DLG1: variants seen among roughly 807,000 people sequenced by gnomAD.
DLG1 encodes discs large MAGUK scaffold protein 1.
Under a neutral mutation model 123.4 loss-of-function variants are expected in DLG1, and 42 were observed. The observed-to-expected ratio is 0.34, with a 90% CI of 0.27 to 0.44. The LOEUF (loss-of-function observed/expected upper bound fraction) is 0.44. Ranked by LOEUF, DLG1 falls within the 20% of genes least tolerant of loss-of-function variation. DLG1 has a pLI of 1.00. For synonymous variants in DLG1, 317 were observed against 356.2 expected (o/e 0.89, Z 1.24); for missense variants, 942 against 1,082.6 (o/e 0.87, Z 1.82).
chr3:197,292,494 A>C (rs1260373610), intron 3 of DLG1, among the ~76,000 whole-genome samples: 2 of 152,242 alleles, frequency 1.3e-5, no homozygotes, highest in African/African-American at 4.8e-5. Context: ...ATAGGATTTC[A>C]GTTTTGCAAG....
chr3:197,065,213 C>A, intron 22 of DLG1, 63 bp downstream of exon 22: 1 of 1,459,232 alleles, frequency 6.9e-7, no homozygotes, highest in Admixed American at 2.4e-5. Flanking sequence ...TCCTACCAGT[C>A]TTGCATACTG....
chr3:197,231,597 G>A (rs1344422), intron 4 of DLG1, among the ~76,000 whole-genome samples: 114,516 of 151,442 alleles, frequency 0.76, 43,402 homozygotes, highest in East Asian at 0.82. Flanking sequence ...GCTACTCGGG[G>A]GGCTGAGGTG....
intron 11 of DLG1, among the ~76,000 whole-genome samples, chr3:197,129,890 C>T (rs1282084574): frequency 2.0e-5 from 3 of 151,666 alleles, no homozygotes; most frequent in Non-Finnish European, 4.4e-5. Context: ...TGTGGCACTC[C>T]AAAACAATTA....
chr3:197,120,772 A>T (rs1775926068), intron 11 of DLG1, among the ~76,000 whole-genome samples: 1 of 152,226 alleles, frequency 6.6e-6, no homozygotes, highest in Non-Finnish European at 1.5e-5. Context: ...GATGCAGTGT[A>T]TCTATTGATA....
intron 16 of DLG1, among the ~76,000 whole-genome samples, chr3:197,083,921 TATG>T (rs200812448): frequency 0.014 from 2,135 of 152,226 alleles, 32 homozygotes; most frequent in Non-Finnish European, 0.02. Flanking sequence ...TTCAGTGGGC[TATG>T]ATCATGTCAC....
At chr3:197,194,326 G>T in intron 5 of DLG1, 99 bp downstream of exon 5, 1 of 752,118 alleles carries the variant, frequency 1.3e-6, no homozygotes, top group Non-Finnish European at 1.9e-6. Flanking sequence ...GTGGGGTAGG[G>T]CGAACCTACA....
At chr3:197,060,082 G>T in intron 22 of DLG1, 84 bp from the exon 23 acceptor site, 3 of 903,932 alleles carry the variant, frequency 3.3e-6, no homozygotes, top group Non-Finnish European at 5.2e-6. Context: ...CAGGTCCACA[G>T]TCTAAATCAT....
chr3:197,168,133 T>C (rs905563543), intron 5 of DLG1, among the ~76,000 whole-genome samples: 2 of 152,238 alleles, frequency 1.3e-5, no homozygotes, highest in South Asian at 2.1e-4. Flanking sequence ...TGTAACCCTC[T>C]GTCTCTGAGC....
intron 18 of DLG1, among the ~76,000 whole-genome samples, chr3:197,073,252 T>A (rs1745182861): frequency 6.6e-6 from 1 of 152,154 alleles, no homozygotes; most frequent in Admixed American, 6.5e-5. Flanking sequence ...AGAAAAGACA[T>A]ATGTAACAGG....
chr3:197,067,285 TAACTC>T (rs1247540619), intron 19 of DLG1, among the ~76,000 whole-genome samples: 1 of 151,954 alleles, frequency 6.6e-6, no homozygotes, highest in Non-Finnish European at 1.5e-5. Flanking sequence ...AAAAATTCAC[TAACTC>T]AACTTTGTAA....
intron 16 of DLG1, 98 bp downstream of exon 16, chr3:197,085,482 A>G: frequency 8.3e-7 from 1 of 1,209,836 alleles, no homozygotes; most frequent in Admixed American, 1.9e-5. Flanking sequence ...AGAATAATGC[A>G]CTCCAGGTCC....
intron 5 of DLG1, chr3:197,183,517 T>C: frequency 6.9e-7 from 1 of 1,453,900 alleles, no homozygotes; most frequent in South Asian, 1.3e-5. Flanking sequence ...AAGACATTTT[T>C]ACAGAGCAAA....
At chr3:197,157,851 A>AG (rs1797029015) in intron 5 of DLG1, among the ~76,000 whole-genome samples, 1 of 152,218 alleles carries the variant, frequency 6.6e-6, no homozygotes, top group East Asian at 1.9e-4. Flanking sequence ...GACATACAGA[A>AG]GGGAATAAAA....
At chr3:197,202,985 T>C (rs1726598265) in intron 4 of DLG1, among the ~76,000 whole-genome samples, 1 of 152,154 alleles carries the variant, frequency 6.6e-6, no homozygotes, top group South Asian at 2.1e-4. Context: ...GAAATGTTAA[T>C]TTTAGGCCTG....
At chr3:197,159,112 C>T (rs1028656192) in intron 5 of DLG1, among the ~76,000 whole-genome samples, 1 of 152,104 alleles carries the variant, frequency 6.6e-6, no homozygotes, top group Non-Finnish European at 1.5e-5. Flanking sequence ...CACCATCACA[C>T]GTAGAAACAG....
At chr3:197,192,103 G>A (rs1360069056) in intron 5 of DLG1, among the ~76,000 whole-genome samples, 1 of 151,788 alleles carries the variant, frequency 6.6e-6, no homozygotes, top group Admixed American at 6.6e-5. Context: ...GAGCCTAGGA[G>A]TTTGGGGCTG....
At chr3:197,177,958 C>T (rs954223813) in intron 5 of DLG1, among the ~76,000 whole-genome samples, 4 of 152,054 alleles carry the variant, frequency 2.6e-5, no homozygotes, top group East Asian at 1.9e-4. Flanking sequence ...AGCACAAGTT[C>T]GTATGTCCCT....
intron 4 of DLG1, among the ~76,000 whole-genome samples, chr3:197,238,019 C>T (rs987298343): frequency 6.6e-6 from 1 of 152,160 alleles, no homozygotes; most frequent in African/African-American, 2.4e-5. Flanking sequence ...TTAGTGAAGA[C>T]CACATGGGGA....
chr3:197,119,896 T>C (rs973080969), intron 11 of DLG1, among the ~76,000 whole-genome samples: 12 of 143,364 alleles, frequency 8.4e-5, no homozygotes, highest in African/African-American at 2.7e-4. Context: ...GTCAACCTAA[T>C]TTACATCTAT....
Sources: gnomAD v4.1 joint callset for allele counts (sites outside exome capture counted in the v4.1 genomes callset) on GRCh38, gnomAD v4.1.1 for gene constraint, MANE v1.5 for transcripts, NCBI Gene and HGNC (gene_info 2026-07-23, HGNC 2026-07-21) for gene names.